PLEKHM3: variants seen among roughly 807,000 people sequenced by gnomAD.
PLEKHM3 encodes pleckstrin homology domain containing M3, also known as pleckstrin homology domain-containing family M member 3.
A neutral mutation model predicts 81.8 loss-of-function variants in PLEKHM3; 45 were observed. The ratio of observed to expected loss-of-function variants is 0.55; its 90% CI spans 0.43 to 0.71. The LOEUF (loss-of-function observed/expected upper bound fraction) is 0.71. PLEKHM3 is among the 30% of genes least tolerant of loss of function. The pLI is 0.00. For synonymous variants in PLEKHM3, 352 were observed against 356.4 expected, an observed-to-expected ratio of 0.99 and a Z score of 0.14; for missense variants, 788 against 924.3, an observed-to-expected ratio of 0.85 and a Z score of 1.91.
intron 3 of PLEKHM3, among the ~76,000 whole-genome samples, chr2:207,965,847 T>C (rs966817775): frequency 1.3e-5 from 2 of 152,268 alleles, no homozygotes; most frequent in South Asian, 2.1e-4. Context: ...TTGATATTTC[T>C]ACTAGTTTAA....
intron 2 of PLEKHM3, among the ~76,000 whole-genome samples, chr2:207,993,700 C>T (rs190449229): frequency 6.6e-5 from 10 of 152,002 alleles, no homozygotes; most frequent in Admixed American, 2.6e-4. Context: ...GTGAAACCGA[C>T]GGAAACAAAA....
chr2:207,865,794 A>AT (rs2092493306), intron 6 of PLEKHM3, among the ~76,000 whole-genome samples: 1 of 43,818 alleles, frequency 2.3e-5, no homozygotes, highest in African/African-American at 1.2e-4. Context: ...AAAAAAAAAA[A>AT]AAAAAAAAGA....
chr2:208,018,128 A>C (rs531772961), intron 1 of PLEKHM3, among the ~76,000 whole-genome samples: 1 of 152,324 alleles, frequency 6.6e-6, no homozygotes, highest in East Asian at 1.9e-4. Flanking sequence ...TAATCCCAGC[A>C]CTTTGGGAGG....
chr2:207,935,576 G>A (rs969533280), intron 4 of PLEKHM3, among the ~76,000 whole-genome samples: 4 of 152,156 alleles, frequency 2.6e-5, no homozygotes, highest in African/African-American at 9.7e-5. Context: ...ATGCTCCATG[G>A]AATACACTTT....
chr2:207,854,714 T>C (rs558216623), intron 7 of PLEKHM3, among the ~76,000 whole-genome samples: 1 of 152,326 alleles, frequency 6.6e-6, no homozygotes, highest in Admixed American at 6.5e-5. Context: ...TCAATATTCC[T>C]TCTGACTCAG....
chr2:207,930,170 G>C (rs944404601), intron 5 of PLEKHM3, among the ~76,000 whole-genome samples: 3 of 152,128 alleles, frequency 2.0e-5, no homozygotes, highest in African/African-American at 7.2e-5. Flanking sequence ...ACTAAGTTAC[G>C]GGAAAGCAGC....
intron 2 of PLEKHM3, among the ~76,000 whole-genome samples, chr2:207,980,009 G>C (rs1308036167): frequency 6.6e-6 from 1 of 152,186 alleles, no homozygotes. Context: ...AGGCAGTGCT[G>C]TTAGCGACAC....
rs566813528 is a variant in PLEKHM3 at position 207,908,526 on chromosome 2, G to C, written c.1938C>G (p.Ala646=). ...TCTGAGCACTTACCTGCTGCAGGTCGGCAAGTGAATACAGGTGGATCTGTT... is the reference window on the plus strand; with the variant it reads ...TCTGAGCACTTACCTGCTGCAGGTCCGCAAGTGAATACAGGTGGATCTGTT... The part of the protein sequence containing the change: ...LLQQIHLYSL[A]DLQQVIEGKL... Residue 646 remains alanine (A), a synonymous_variant, in exon 6 of 8, where the codon GCC becomes GCG. Transcript: ENST00000427836. The C allele has an allele frequency of 3.7e-6, 6 of 1,611,224 alleles. No individual in the cohort carries two copies. In the East Asian group the frequency reaches 9.0e-5, roughly 24 times the overall value.
chr2:208,009,801 A>G (rs1692627275), intron 1 of PLEKHM3, among the ~76,000 whole-genome samples: 1 of 152,210 alleles, frequency 6.6e-6, no homozygotes, highest in African/African-American at 2.4e-5. Context: ...TGACATCTGT[A>G]AGTATATATA....
intron 3 of PLEKHM3, 110 bp from the exon 4 acceptor site, chr2:207,946,622 G>A (rs1189102431): frequency 8.6e-6 from 12 of 1,389,288 alleles, no homozygotes; most frequent in Admixed American, 2.3e-5. Context: ...CATTTACCTA[G>A]TCTGCAACAA....
intron 7 of PLEKHM3, among the ~76,000 whole-genome samples, chr2:207,833,333 T>C (rs2092299260): frequency 6.6e-6 from 1 of 152,210 alleles, no homozygotes. Flanking sequence ...TGAAAGCTGG[T>C]GTCTTCATTC....
At chr2:207,878,158 G>A (rs1248080563) in intron 6 of PLEKHM3, among the ~76,000 whole-genome samples, 2 of 152,066 alleles carry the variant, frequency 1.3e-5, no homozygotes, top group Non-Finnish European at 1.5e-5. Context: ...GGCTGGTCTC[G>A]AACTCATGGG....
At chr2:207,908,829 G>A (rs1044021866) in intron 5 of PLEKHM3, among the ~76,000 whole-genome samples, 3 of 152,144 alleles carry the variant, frequency 2.0e-5, no homozygotes, top group East Asian at 1.9e-4. Context: ...TAAGCACTGC[G>A]TGGTGGCCCA....
chr2:207,852,407 C>T (rs943932057), intron 7 of PLEKHM3, among the ~76,000 whole-genome samples: 3 of 152,072 alleles, frequency 2.0e-5, no homozygotes, highest in African/African-American at 7.2e-5. Context: ...AGTGCCATTC[C>T]CTTTCAATCC....
chr2:207,837,632 CTTTTTTTTT>C (rs756408346), intron 7 of PLEKHM3, among the ~76,000 whole-genome samples: 1 of 106,006 alleles, frequency 9.4e-6, no homozygotes, highest in Non-Finnish European at 1.8e-5. Flanking sequence ...ATAGTTCTCC[CTTTTTTTTT>C]TTTTTTTTTT....
chr2:207,904,754 A>ACTATACTTCTCCTAAGCCCTCTGAGGAAC (rs1688550238), intron 6 of PLEKHM3, among the ~76,000 whole-genome samples: 1 of 152,208 alleles, frequency 6.6e-6, no homozygotes, highest in Admixed American at 6.5e-5. Flanking sequence ...AAGGGGGAAA[A>ACTATACTTCTCCTAAGCCCTCTGAGGAAC]CTGTCTTGAA....
intron 6 of PLEKHM3, among the ~76,000 whole-genome samples, chr2:207,883,910 G>GT (rs1320029038): frequency 1.3e-5 from 2 of 152,080 alleles, no homozygotes; most frequent in East Asian, 1.9e-4. Flanking sequence ...ATCAAACAAT[G>GT]TAACAGACCA....
Position 207,936,846 on chromosome 2 carries a change from A to AGTGTGTGTGT in PLEKHM3, c.1693-5737_1693-5728dup, listed in dbSNP as rs57642698. Among the ~76,000 whole-genome samples, 655 of 146,784 alleles carry AGTGTGTGTGT rather than the reference A, an allele frequency of 4.5e-3. 5 individuals carry two copies. Among genetic ancestry groups the AGTGTGTGTGT allele is most frequent in the African/African-American group, 0.016 (630 of 39,966 alleles). On this transcript the variant is annotated intron_variant, in intron 4 of 7. Transcript: ENST00000427836. ...CAAAAAAGAACTGGTTAGATAAATTAGTGTGTGTGTGTGTGTGTGTGTGTG... is the reference window on the plus strand; with the variant it reads ...CAAAAAAGAACTGGTTAGATAAATTAGTGTGTGTGTGTGTGTGTGTGTGTGTGTGTGTGTG...
intron 4 of PLEKHM3, among the ~76,000 whole-genome samples, chr2:207,938,966 T>G (rs1689849350): frequency 6.6e-6 from 1 of 152,174 alleles, no homozygotes; most frequent in South Asian, 2.1e-4. Flanking sequence ...TCATCAACCA[T>G]GCTTGCCTTT....
Sources: gnomAD v4.1 joint callset for allele counts (sites outside exome capture counted in the v4.1 genomes callset) on GRCh38, gnomAD v4.1.1 for gene constraint, MANE v1.5 for transcripts, NCBI Gene and HGNC (gene_info 2026-07-23, HGNC 2026-07-21) for gene names.